Variants in UBE2G2 observed in about 807,000 individuals in gnomAD.
UBE2G2 encodes the protein ubiquitin conjugating enzyme E2 G2.
In UBE2G2, 10 loss-of-function variants were observed where a neutral mutation model predicts 23.0. The ratio of observed to expected loss-of-function variants is 0.43; its 90% confidence interval spans 0.27 to 0.74. UBE2G2 has a LOEUF of 0.74. UBE2G2 is among the 30% of genes least tolerant of loss of function. The probability of loss-of-function intolerance (pLI) is 0.19; values close to 1 mark genes in which losing one functional copy is unlikely to be tolerated. For missense variants in UBE2G2, 150 were observed against 218.3 expected (o/e 0.69, Z 1.97); for synonymous variants, 86 against 81.3 (o/e 1.06, Z -0.31).
intron 3 of UBE2G2, among the ~76,000 whole-genome samples, chr21:44,777,914 T>G (rs2082925406): frequency 6.6e-6 from 1 of 152,236 alleles, no homozygotes; most frequent in Non-Finnish European, 1.5e-5. Flanking sequence ...TGTCCCATTC[T>G]CCAGTTTCAA....
intron 1 of UBE2G2, chr21:44,801,489 C>T (rs1555964783): frequency 9.0e-7 from 1 of 1,108,366 alleles, no homozygotes; most frequent in Non-Finnish European, 1.2e-6. Context: ...CCGGCGCTGC[C>T]TTTACTGATG....
At chr21:44,782,272 A>G (rs1042082943) in intron 3 of UBE2G2, among the ~76,000 whole-genome samples, 4 of 152,232 alleles carry the variant, frequency 2.6e-5, no homozygotes, top group Non-Finnish European at 5.9e-5. Flanking sequence ...TAAAAATTCA[A>G]ATGTATCATG....
At chr21:44,794,500 T>C (rs1331702496) in intron 1 of UBE2G2, among the ~76,000 whole-genome samples, 1 of 151,938 alleles carries the variant, frequency 6.6e-6, no homozygotes, top group Non-Finnish European at 1.5e-5. Flanking sequence ...AGTCAATAAT[T>C]GAATTTCATC....
chr21:44,782,685 G>T (rs2082965795), intron 3 of UBE2G2, among the ~76,000 whole-genome samples: 2 of 152,106 alleles, frequency 1.3e-5, no homozygotes, highest in South Asian at 4.1e-4. Flanking sequence ...TATGCAATGG[G>T]GAAAGAACTG....
chr21:44,783,020 AT>A (rs1447042590), intron 3 of UBE2G2, among the ~76,000 whole-genome samples: 1 of 152,266 alleles, frequency 6.6e-6, no homozygotes, highest in East Asian at 1.9e-4. Flanking sequence ...ATATTTAAAA[AT>A]CCTATGTCTA....
intron 1 of UBE2G2, among the ~76,000 whole-genome samples, chr21:44,790,784 G>C (rs2083037026): frequency 6.6e-6 from 1 of 152,190 alleles, no homozygotes; most frequent in Non-Finnish European, 1.5e-5. Flanking sequence ...TGTGAAAACA[G>C]ATGAATACAG....
intron 1 of UBE2G2, among the ~76,000 whole-genome samples, chr21:44,798,045 C>T (rs1555964153): frequency 6.6e-6 from 1 of 152,104 alleles, no homozygotes; most frequent in East Asian, 1.9e-4. Flanking sequence ...GTAGTCTCAG[C>T]TACTCAGGTG....
chr21:44,795,264 TAAAAAATAAA>T (rs1437826794), intron 1 of UBE2G2, among the ~76,000 whole-genome samples: 15 of 150,260 alleles, frequency 1.0e-4, no homozygotes, highest in Admixed American at 8.6e-4. Context: ...ACCTCAAAAA[TAAAAAATAAA>T]AAAAAATAAA....
intron 1 of UBE2G2, among the ~76,000 whole-genome samples, chr21:44,798,546 A>G (rs192541663): frequency 2.0e-5 from 3 of 152,336 alleles, no homozygotes; most frequent in Admixed American, 2.0e-4. Context: ...TCATTTCAAC[A>G]ATGTTCACAG....
chr21:44,795,929 A>T (rs1268742366), intron 1 of UBE2G2, among the ~76,000 whole-genome samples: 2 of 152,268 alleles, frequency 1.3e-5, no homozygotes, highest in Non-Finnish European at 2.9e-5. Context: ...CACTACCTCA[A>T]GCAAGAGAAT....
chr21:44,788,275 CAA>C (rs1258067063), intron 1 of UBE2G2, among the ~76,000 whole-genome samples, 180 bp from the exon 2 acceptor site: 8 of 148,810 alleles, frequency 5.4e-5, no homozygotes, highest in Non-Finnish European at 8.9e-5. Context: ...AACAACTACA[CAA>C]AGTTTTTTTG....
At chr21:44,789,556 T>C (rs1304754172) in intron 1 of UBE2G2, among the ~76,000 whole-genome samples, 1 of 151,896 alleles carries the variant, frequency 6.6e-6, no homozygotes, top group African/African-American at 2.4e-5. Flanking sequence ...AGACCCTGAC[T>C]CGAGGGAACA....
In UBE2G2 at chr21:44,788,114, A is replaced by G. The variant is rs1555962366; in HGVS notation, c.44-19T>C. ...GTTAATTCTATAAAATTAATAAGTAAAACCATTACCAAACAGAATAAATGT... is the reference window on the plus strand; with the variant it reads ...GTTAATTCTATAAAATTAATAAGTAGAACCATTACCAAACAGAATAAATGT... On this transcript the variant is annotated intron_variant, in intron 1 of 5. Transcript: ENST00000345496. 5.7e-6 allele frequency: 9 copies of G among 1,588,516 alleles called. No individual in the cohort carries two copies. Among genetic ancestry groups the G allele is most frequent in the African/African-American group, 1.4e-5 (1 of 73,448 alleles).
At chr21:44,790,617 C>T (rs1410952481) in intron 1 of UBE2G2, among the ~76,000 whole-genome samples, 1 of 152,226 alleles carries the variant, frequency 6.6e-6, no homozygotes, top group Non-Finnish European at 1.5e-5. Context: ...TCCTCCTTCA[C>T]TCTTCTTTCT....
At chr21:44,779,499 G>A (rs1486370561) in intron 3 of UBE2G2, among the ~76,000 whole-genome samples, 5 of 147,400 alleles carry the variant, frequency 3.4e-5, no homozygotes, top group East Asian at 3.9e-4. Context: ...GACAGTGCCC[G>A]GATGAGTACC....
chr21:44,778,710 C>T (rs558288551), intron 3 of UBE2G2, among the ~76,000 whole-genome samples: 14 of 152,308 alleles, frequency 9.2e-5, no homozygotes, highest in African/African-American at 2.6e-4. Flanking sequence ...CGGCAGACAA[C>T]GAAACAGTGG....
Position 44,776,976 on chromosome 21 carries a change from A to G in UBE2G2, c.244+323T>C, listed in dbSNP as rs574727511. The G allele has an allele frequency of 2.0e-4, 43 of 215,472 alleles. No individual in the cohort carries two copies. The South Asian group carries it at 4.0e-3, about 20-fold the overall frequency. 13.3% of individuals were successfully genotyped at this position (215,472 alleles called of 1,614,324 possible). On this transcript the variant is annotated intron_variant, in intron 4 of 5. Coordinates refer to ENST00000345496, the MANE Select transcript of UBE2G2 (RefSeq NM_003343.6). ...TAAGTCAAAATTTTCACCATTACAAATAACACTATGACAAAGATTAGCATA... is the reference window on the plus strand; with the variant it reads ...TAAGTCAAAATTTTCACCATTACAAGTAACACTATGACAAAGATTAGCATA...
rs782435268 is a variant in UBE2G2, at chr21:44,787,929, G to A, written c.116C>T (p.Ala39Val). 3.7e-6 allele frequency: 6 copies of A among 1,613,766 alleles called. No homozygotes were observed. The highest frequency in any genetic ancestry group is 5.1e-6 in the Non-Finnish European group (6 of 1,179,938). The stretch of plus-strand genomic sequence containing the variant: ...CCTAAAATTAACTTACATGATCAAT[G>A]CCTCCCATTCAAAAAAGTTCTCTTC... ...MNEENFFEWE[A>V]LIMGPEDTCF... The change falls in exon 3 of 6, where the codon GCA becomes GTA. Residue 39 changes from alanine to valine, a missense_variant. By Grantham distance (64) the Ala-to-Val change is moderately conservative. Transcript: ENST00000345496.
At chr21:44,775,963 G>A (rs184972294) in intron 4 of UBE2G2, among the ~76,000 whole-genome samples, 10 of 152,324 alleles carry the variant, frequency 6.6e-5, no homozygotes, top group African/African-American at 2.4e-4. Flanking sequence ...CAAGACTGAA[G>A]CAGCTTTGAG....
Sources: gnomAD v4.1 joint callset for allele counts (sites outside exome capture counted in the v4.1 genomes callset) on GRCh38, gnomAD v4.1.1 for gene constraint, MANE v1.5 for transcripts, NCBI Gene and HGNC (gene_info 2026-07-23, HGNC 2026-07-21) for gene names.